Variants in EPHA5 observed in about 807,000 individuals in gnomAD.
EPHA5 encodes the protein ephrin type-A receptor 5.
A neutral mutation model predicts 105.0 loss-of-function variants in EPHA5; 60 were observed. The observed-to-expected ratio is 0.57, with a 90% CI of 0.46 to 0.71. The LOEUF is 0.71. Ranked by LOEUF, EPHA5 falls within the 30% of genes least tolerant of loss-of-function variation. The pLI is 0.00. For synonymous variants in EPHA5, 513 were observed against 449.1 expected (o/e 1.14, Z -1.80); for missense variants, 1,218 against 1,274.7 (o/e 0.96, Z 0.68).
In EPHA5 at chr4:65,490,686, T is replaced by C. The variant is rs372046653; in HGVS notation, c.1093A>G (p.Ile365Val). ...ACACTAGTTTCATTAACATTTGAGA[T>C]GGCATTCCGAGGAGCAGAGGGGGGT... is the stretch of plus-strand genomic sequence containing the variant. Reference protein sequence around the residue: ...TRPPSAPRNAISNVNETSVFL... With the variant: ...TRPPSAPRNAVSNVNETSVFL... The change falls in exon 5 of 17, where the codon ATC becomes GTC. Residue 365 changes from isoleucine (I) to valine (V), a missense_variant. Ile to Val is a conservative substitution (Grantham distance 29). This residue lies in a region of EPHA5 where 971 missense variants were observed against 1,013.5 expected (regional missense o/e 0.96). Transcript: ENST00000613740. The C allele has an allele frequency of 1.2e-6, 2 of 1,613,956 alleles. No individual in the cohort carries two copies. The highest frequency in any genetic ancestry group is 1.7e-6 in the Non-Finnish European group (2 of 1,179,832).
At chr4:65,455,230 C>A (rs1727463690) in intron 5 of EPHA5, among the ~76,000 whole-genome samples, 2 of 151,572 alleles carry the variant, frequency 1.3e-5, no homozygotes, top group Admixed American at 1.3e-4. Context: ...GAGACTCCGT[C>A]TCAAAAAGTA....
intron 5 of EPHA5, among the ~76,000 whole-genome samples, chr4:65,480,634 C>T (rs2149186390): frequency 6.6e-6 from 1 of 152,216 alleles, no homozygotes; most frequent in East Asian, 1.9e-4. Context: ...GTGGCAATAG[C>T]AATTGCAATA....
intron 8 of EPHA5, among the ~76,000 whole-genome samples, chr4:65,388,752 C>G (rs1720396034): frequency 6.7e-6 from 1 of 148,754 alleles, no homozygotes; most frequent in African/African-American, 2.5e-5. Flanking sequence ...AATTTTCTCC[C>G]ATTTTGTAGG....
chr4:65,543,265 A>C (rs753561844), intron 3 of EPHA5, among the ~76,000 whole-genome samples: 66 of 152,194 alleles, frequency 4.3e-4, no homozygotes, highest in Non-Finnish European at 7.8e-4. Flanking sequence ...TCAGACAGGA[A>C]GAGAGGAAGT....
At chr4:65,606,590 G>A (rs1478381954) in intron 2 of EPHA5, among the ~76,000 whole-genome samples, 1 of 152,084 alleles carries the variant, frequency 6.6e-6, no homozygotes, top group African/African-American at 2.4e-5. Context: ...ATTTTTATGA[G>A]TTTAGTTTTG....
At chr4:65,658,271 G>C in intron 1 of EPHA5, among the ~76,000 whole-genome samples, 1 of 152,056 alleles carries the variant, frequency 6.6e-6, no homozygotes, top group East Asian at 1.9e-4. Flanking sequence ...GCAGGAGCTT[G>C]GAGTGCAGGG....
chr4:65,443,890 C>T (rs888830148), intron 5 of EPHA5, among the ~76,000 whole-genome samples: 3 of 142,296 alleles, frequency 2.1e-5, no homozygotes, highest in African/African-American at 7.8e-5. Context: ...TTTCTACTTG[C>T]AGATGTTTGT....
rs932027161 is a variant in EPHA5 at position 65,351,319 on chromosome 4, T to C, written c.2445+70A>G. 3 of 1,395,300 alleles carry C rather than the reference T, an allele frequency of 2.2e-6. No homozygotes were observed. In the African/African-American group the frequency reaches 4.3e-5, roughly 20 times the overall value. The allele number at this position is 1,395,300 out of a possible 1,614,324, so 86.4% of individuals were successfully genotyped here. A position where few individuals can be genotyped will look rare whatever the true frequency, so the allele number is the denominator to read the frequency against. On this transcript the variant is annotated intron_variant, in intron 13 of 16. Transcript: ENST00000613740. Reference sequence around the variant, plus strand: ...TGTTGCAGGAATGCTCTTTTAGCTATTTCTTTCAGAATCTTTAAAAATAAA... The same window carrying C: ...TGTTGCAGGAATGCTCTTTTAGCTACTTCTTTCAGAATCTTTAAAAATAAA...
chr4:65,411,953 G>A (rs1265518000), intron 7 of EPHA5, among the ~76,000 whole-genome samples: 1 of 152,180 alleles, frequency 6.6e-6, no homozygotes, highest in African/African-American at 2.4e-5. Flanking sequence ...ATTAGGCTGG[G>A]CACGGTGGCT....
chr4:65,340,066 T>G (rs1166666975), intron 14 of EPHA5, among the ~76,000 whole-genome samples: 1 of 152,188 alleles, frequency 6.6e-6, no homozygotes, highest in African/African-American at 2.4e-5. Flanking sequence ...TTTGTAATAT[T>G]GTATCGTGAC....
chr4:65,354,546 T>C (rs1328844948), intron 11 of EPHA5, among the ~76,000 whole-genome samples: 1 of 151,760 alleles, frequency 6.6e-6, no homozygotes, highest in Non-Finnish European at 1.5e-5. Context: ...TTACCATATA[T>C]GTCCATTAAT....
At chr4:65,622,686 C>T (rs1178762149) in intron 2 of EPHA5, among the ~76,000 whole-genome samples, 1 of 152,004 alleles carries the variant, frequency 6.6e-6, no homozygotes, top group African/African-American at 2.4e-5. Context: ...TTTATTGACT[C>T]TGACTTAAGG....
At chr4:65,367,254 T>C in intron 9 of EPHA5, 103 bp downstream of exon 9, 1 of 877,494 alleles carries the variant, frequency 1.1e-6, no homozygotes, top group South Asian at 1.8e-5. Flanking sequence ...AAAAAAACAA[T>C]ATTTTGGTCA....
At chr4:65,495,623 C>A (rs2149227303) in intron 3 of EPHA5, 80 bp from the exon 4 acceptor site, 3 of 1,203,324 alleles carry the variant, frequency 2.5e-6, no homozygotes, top group Non-Finnish European at 3.5e-6. Context: ...ATTATTTTGA[C>A]TTGTATATGC....
intron 3 of EPHA5, among the ~76,000 whole-genome samples, chr4:65,513,810 A>G (rs1184849234): frequency 6.6e-6 from 1 of 152,034 alleles, no homozygotes; most frequent in East Asian, 1.9e-4. Context: ...TTTATTGTCT[A>G]TTATATGCCG....
intron 5 of EPHA5, among the ~76,000 whole-genome samples, chr4:65,423,631 T>C (rs1374697604): frequency 4.0e-5 from 6 of 151,746 alleles, no homozygotes; most frequent in African/African-American, 1.4e-4. Context: ...AGAGCTCCTA[T>C]GTCTCTTTGA....
intron 8 of EPHA5, among the ~76,000 whole-genome samples, chr4:65,397,158 C>G (rs1050147061): frequency 3.9e-5 from 6 of 152,180 alleles, no homozygotes; most frequent in African/African-American, 1.4e-4. Context: ...GCGTCCAGCC[C>G]AAATGGTCCA....
chr4:65,616,397 C>T lies in EPHA5; in HGVS notation c.247-14093G>A, dbSNP rs570224145. 1.3e-4 allele frequency among the ~76,000 whole-genome samples: 19 copies of T among 150,308 alleles called. No individual in the cohort carries two copies. The South Asian group carries it at 1.7e-3, about 13-fold the overall frequency. ...TACAGGTGGTGACTACACAAACTTA[C>T]ACAGATGATGAATTGTACAGACTTA... On this transcript the variant is annotated intron_variant, in intron 2 of 16. Transcript: ENST00000613740.
intron 7 of EPHA5, among the ~76,000 whole-genome samples, chr4:65,409,265 C>T (rs900492407): frequency 1.6e-5 from 2 of 126,460 alleles, no homozygotes; most frequent in African/African-American, 6.0e-5. Context: ...GGGTGCAGCG[C>T]ACCAGCATGG....
Sources: allele counts gnomAD v4.1 joint callset (sites outside exome capture counted in the v4.1 genomes callset), GRCh38; gene constraint gnomAD v4.1.1; regional missense constraint gnomAD v4.1.1; transcripts MANE v1.5; gene names NCBI Gene and HGNC (gene_info 2026-07-23, HGNC 2026-07-21).